The following CUL3 variants were observed in gnomAD, a reference collection of about 807,000 sequenced individuals.
CUL3 encodes the protein cullin-3.
Under a neutral mutation model 89.1 loss-of-function variants are expected in CUL3, and 19 were observed. The ratio of observed to expected loss-of-function variants is 0.21; its 90% CI spans 0.15 to 0.31. The LOEUF (loss-of-function observed/expected upper bound fraction) is 0.31, where lower values mean the gene tolerates loss of function less well. Ranked by LOEUF, CUL3 falls within the 10% of genes least tolerant of loss-of-function variation. The pLI, the probability that CUL3 is intolerant of heterozygous loss-of-function variation, is 1.00. For missense variants in CUL3, 469 were observed against 942.3 expected (o/e 0.50, Z 6.58); for synonymous variants, 351 against 308.4 (o/e 1.14, Z -1.45).
Position 224,473,030 on chromosome 2 carries a change from C to A in CUL3, c.*1215G>T, listed in dbSNP as rs904534225. 3 of 198,282 alleles carry A rather than the reference C, an allele frequency of 1.5e-5. No homozygotes were observed. Among genetic ancestry groups the A allele is most frequent in the African/African-American group, 6.9e-5 (3 of 43,332 alleles). The allele number at this position is 198,282 out of a possible 1,614,324, so 12.3% of individuals were successfully genotyped here. A position where few individuals can be genotyped will look rare whatever the true frequency, so the allele number is the denominator to read the frequency against. ...TGAAGATAAAAATACTCTGGAAGCA[C>A]AGGATATCTGACAAGAATCTTCAGC... On this transcript the variant is annotated 3_prime_UTR_variant, in exon 16 of 16. Transcript: ENST00000264414.
At chr2:224,541,239 G>C (rs901524666) in intron 2 of CUL3, among the ~76,000 whole-genome samples, 1 of 149,170 alleles carries the variant, frequency 6.7e-6, no homozygotes, top group Non-Finnish European at 1.5e-5. Flanking sequence ...AAAACTCTTA[G>C]AACTTAGCAA....
chr2:224,535,708 A>T (rs1193982110), intron 2 of CUL3, 67 bp from the exon 3 acceptor site: 1 of 876,336 alleles, frequency 1.1e-6, no homozygotes, highest in Admixed American at 2.0e-5. Flanking sequence ...AGGCATGCAC[A>T]TATCTGTTTA....
intron 2 of CUL3, among the ~76,000 whole-genome samples, chr2:224,557,294 G>A (rs574464808): frequency 6.6e-6 from 1 of 152,060 alleles, no homozygotes; most frequent in South Asian, 2.1e-4. Context: ...TTTAAACAAC[G>A]TAGTTTTATT....
At chr2:224,478,497 G>GCAT (rs1691408208) in intron 14 of CUL3, 152 bp from the exon 15 acceptor site, 3 of 547,084 alleles carry the variant, frequency 5.5e-6, no homozygotes, top group Non-Finnish European at 9.0e-6. Flanking sequence ...TTCAGAAACT[G>GCAT]TCTTAATGTT....
chr2:224,481,648 T>G (rs1262568047), intron 14 of CUL3, among the ~76,000 whole-genome samples: 23 of 152,120 alleles, frequency 1.5e-4, no homozygotes, highest in Admixed American at 1.5e-3. Context: ...ATTCTATTTA[T>G]TGAAAAACAT....
At chr2:224,575,873 G>A (rs1542786) in intron 1 of CUL3, among the ~76,000 whole-genome samples, 28,902 of 152,140 alleles carry the variant, frequency 0.19, 3,078 homozygotes, top group South Asian at 0.27. Flanking sequence ...CTGTCTGATC[G>A]CCACTGTAGA....
intron 1 of CUL3, among the ~76,000 whole-genome samples, chr2:224,567,471 G>A (rs1170117315): frequency 1.3e-5 from 2 of 152,128 alleles, no homozygotes; most frequent in Non-Finnish European, 2.9e-5. Context: ...CGGGCACGGT[G>A]GCTCACGCCT....
chr2:224,487,670 C>A (rs1691785479), intron 13 of CUL3, among the ~76,000 whole-genome samples: 1 of 152,078 alleles, frequency 6.6e-6, no homozygotes, highest in Admixed American at 6.6e-5. Flanking sequence ...GACTTTGATA[C>A]CCCACTGTCA....
intron 3 of CUL3, among the ~76,000 whole-genome samples, chr2:224,532,051 T>C (rs1574664080): frequency 6.6e-6 from 1 of 152,228 alleles, no homozygotes; most frequent in Non-Finnish European, 1.5e-5. Context: ...CAGGTTTCAG[T>C]ATGATAGTGA....
At chr2:224,531,543 AAACACT>A (rs767152782) in intron 3 of CUL3, among the ~76,000 whole-genome samples, 11 of 144,928 alleles carry the variant, frequency 7.6e-5, no homozygotes, top group East Asian at 2.1e-4. Context: ...AATAGTACAC[AAACACT>A]GTTTCCATCC....
At chr2:224,526,817 C>CAAA (rs75099076) in intron 3 of CUL3, among the ~76,000 whole-genome samples, 1 of 74,566 alleles carries the variant, frequency 1.3e-5, no homozygotes, top group Non-Finnish European at 2.9e-5. Context: ...ACTAAGTCTC[C>CAAA]AAAAAAAAAA....
At chr2:224,549,014 A>C (rs1229517369) in intron 2 of CUL3, among the ~76,000 whole-genome samples, 1 of 150,942 alleles carries the variant, frequency 6.6e-6, no homozygotes, top group Non-Finnish European at 1.5e-5. Context: ...AAAAACAACA[A>C]CAACAACAAC....
chr2:224,563,947 T>G (rs554706800), intron 1 of CUL3, among the ~76,000 whole-genome samples: 1 of 151,608 alleles, frequency 6.6e-6, no homozygotes, highest in East Asian at 1.9e-4. Context: ...CTCTACTTAA[T>G]AAGGAAAAAA....
intron 13 of CUL3, among the ~76,000 whole-genome samples, chr2:224,488,621 TAGCCTACCAA>T (rs1691832734): frequency 1.3e-5 from 2 of 152,116 alleles, no homozygotes; most frequent in African/African-American, 4.8e-5. Flanking sequence ...GAGGCAGTAA[TAGCCTACCAA>T]CCCAAAAAAG....
chr2:224,576,091 G>C (rs1542789), intron 1 of CUL3, among the ~76,000 whole-genome samples: 1 of 152,042 alleles, frequency 6.6e-6, no homozygotes. Context: ...GTCATAGGGA[G>C]AGAGCAGGAG....
At chr2:224,508,127 A>T (rs1478903764) in intron 6 of CUL3, among the ~76,000 whole-genome samples, 2 of 149,428 alleles carry the variant, frequency 1.3e-5, no homozygotes, top group African/African-American at 4.9e-5. Context: ...TTTTTTTTTA[A>T]CAAAACTGGT....
chr2:224,569,226 G>A (rs1392336045), intron 1 of CUL3, among the ~76,000 whole-genome samples: 2 of 152,092 alleles, frequency 1.3e-5, no homozygotes, highest in East Asian at 1.9e-4. Flanking sequence ...CAACTAATGC[G>A]TCAGCAAAAC....
At chr2:224,565,891 T>TGTAG in intron 1 of CUL3, among the ~76,000 whole-genome samples, 1 of 152,320 alleles carries the variant, frequency 6.6e-6, no homozygotes, top group African/African-American at 2.4e-5. Context: ...CAATAATGTA[T>TGTAG]CATTTCAGGC....
intron 2 of CUL3, among the ~76,000 whole-genome samples, chr2:224,553,158 G>C (rs1336706178): frequency 6.6e-6 from 1 of 152,172 alleles, no homozygotes; most frequent in Non-Finnish European, 1.5e-5. Flanking sequence ...TCTTTCGATA[G>C]TGTCCCCTTC....
Sources: allele counts gnomAD v4.1 joint callset (sites outside exome capture counted in the v4.1 genomes callset), GRCh38; gene constraint gnomAD v4.1.1; transcripts MANE v1.5; gene names NCBI Gene and HGNC (gene_info 2026-07-23, HGNC 2026-07-21).